CPED1: variants seen among roughly 807,000 people sequenced by gnomAD.
CPED1 encodes the protein cadherin-like and PC-esterase domain-containing protein 1.
A neutral mutation model predicts 128.2 loss-of-function variants in CPED1; 114 were observed. The observed-to-expected ratio is 0.89, with a 90% CI of 0.76 to 1.04. The LOEUF (loss-of-function observed/expected upper bound fraction) is 1.04, where lower values mean the gene tolerates loss of function less well. Ranked by LOEUF, CPED1 falls within the 50% of genes least tolerant of loss-of-function variation. The pLI is 0.00. For missense variants in CPED1, 1,211 were observed against 1,207.1 expected, an observed-to-expected ratio of 1.00 and a Z score of -0.05; for synonymous variants, 462 against 426.7, an observed-to-expected ratio of 1.08 and a Z score of -1.02.
chr7:121,274,585 A>G (rs571616664), intron 22 of CPED1, among the ~76,000 whole-genome samples: 1 of 152,268 alleles, frequency 6.6e-6, no homozygotes, highest in East Asian at 1.9e-4. Context: ...CAGTCACAAC[A>G]TACAGCTGAT....
At chr7:121,137,043 A>G (rs1164630651) in intron 14 of CPED1, among the ~76,000 whole-genome samples, 5 of 152,020 alleles carry the variant, frequency 3.3e-5, no homozygotes, top group Admixed American at 1.3e-4. Flanking sequence ...ATGTATATGT[A>G]TACATATAGC....
chr7:120,989,540 T>A lies in CPED1; in HGVS notation c.-82T>A, dbSNP rs1341720889. ...GGAGTTGGGGAAAAAGAAGACAGAT[T>A]AGTATTTTTCATGCTGACAAAAAAT... On this transcript the variant is annotated 5_prime_UTR_variant, in exon 2 of 23. Coordinates refer to ENST00000310396, the MANE Select transcript of CPED1 (RefSeq NM_024913.5). The A allele has an allele frequency of 6.6e-7, 1 of 1,524,880 alleles. No homozygotes were observed. Among genetic ancestry groups the A allele is most frequent in the East Asian group, 2.3e-5 (1 of 44,278 alleles). 94.5% of individuals were successfully genotyped at this position (1,524,880 alleles called of 1,614,324 possible).
chr7:121,244,320 G>A lies in CPED1; in HGVS notation c.2292G>A (p.Gln764=). ...TCCTAACTAAGCCTCAACTCCAGCA[G>A]TGCCTGGGAGGAAGGAAGGTAGGTT... ...YGVLTKPQLQ[Q]CLGGRKILFI... is the part of the protein sequence containing the mutation. Residue 764 remains glutamine, a synonymous_variant, in exon 18 of 23, where the codon CAG becomes CAA. Coordinates refer to ENST00000310396, the MANE Select transcript of CPED1 (RefSeq NM_024913.5). 6.2e-7 allele frequency: 1 copy of A among 1,614,140 alleles called. No individual in the cohort carries two copies. Among genetic ancestry groups the A allele is most frequent in the Non-Finnish European group, 8.5e-7 (1 of 1,180,012 alleles).
intron 4 of CPED1, among the ~76,000 whole-genome samples, chr7:121,047,646 T>TTCTTCTTC: frequency 8.1e-6 from 1 of 123,076 alleles, no homozygotes; most frequent in African/African-American, 3.6e-5. Flanking sequence ...AGATAGCACC[T>TTCTTCTTC]TTCTTCTTCT....
chr7:121,211,425 A>G (rs891206703), intron 16 of CPED1, among the ~76,000 whole-genome samples: 1 of 152,112 alleles, frequency 6.6e-6, no homozygotes, highest in African/African-American at 2.4e-5. Context: ...CCTTTTAAAG[A>G]TAAAGCAGAA....
chr7:121,282,023 T>C (rs1183502394), intron 22 of CPED1, among the ~76,000 whole-genome samples: 1 of 152,208 alleles, frequency 6.6e-6, no homozygotes, highest in Non-Finnish European at 1.5e-5. Context: ...AACACTCATA[T>C]TTAACATATT....
chr7:121,213,353 T>A (rs1797688558), intron 16 of CPED1, among the ~76,000 whole-genome samples: 1 of 152,024 alleles, frequency 6.6e-6, no homozygotes, highest in Non-Finnish European at 1.5e-5. Flanking sequence ...AATATCTACC[T>A]CAAACAGCTG....
intron 16 of CPED1, among the ~76,000 whole-genome samples, chr7:121,145,504 T>C (rs1796005395): frequency 6.6e-6 from 1 of 152,110 alleles, no homozygotes; most frequent in Non-Finnish European, 1.5e-5. Context: ...TAAGCACTAG[T>C]ACTTTTTAGA....
In CPED1 at chr7:121,239,568, G is replaced by A. The variant is rs1339516358; in HGVS notation, c.2173+2737G>A. Among the ~76,000 whole-genome samples, 3 of 152,128 alleles carry A rather than the reference G, an allele frequency of 2.0e-5. No individual in the cohort carries two copies. The East Asian group carries it at 5.8e-4, about 29-fold the overall frequency. ...AAAAAATTTATCCTACCTTATTTTA[G>A]CAAGGAATTATGACAACTTATACTT... On this transcript the variant is annotated intron_variant, in intron 17 of 22. Coordinates refer to ENST00000310396, the MANE Select transcript of CPED1 (RefSeq NM_024913.5).
intron 22 of CPED1, among the ~76,000 whole-genome samples, chr7:121,291,718 T>C (rs1346449644): frequency 6.6e-6 from 1 of 152,214 alleles, no homozygotes; most frequent in Non-Finnish European, 1.5e-5. Context: ...GATGGGGTTT[T>C]CTAAAGATAC....
chr7:121,227,708 A>C (rs781449673), intron 16 of CPED1, among the ~76,000 whole-genome samples: 1 of 152,074 alleles, frequency 6.6e-6, no homozygotes, highest in Non-Finnish European at 1.5e-5. Flanking sequence ...TTATTCCTAA[A>C]ATGAAGATAG....
At chr7:121,139,563 G>A (rs1795856103) in intron 14 of CPED1, among the ~76,000 whole-genome samples, 1 of 151,966 alleles carries the variant, frequency 6.6e-6, no homozygotes, top group Non-Finnish European at 1.5e-5. Flanking sequence ...TCTTGTTGAA[G>A]CACAAAGACT....
At chr7:121,004,308 AACC>A (rs1791948247) in intron 2 of CPED1, among the ~76,000 whole-genome samples, 2 of 152,202 alleles carry the variant, frequency 1.3e-5, no homozygotes, top group African/African-American at 4.8e-5. Flanking sequence ...ATGGGCTTAG[AACC>A]TATCCTCCTC....
chr7:121,251,201 C>T (rs1251053646), intron 18 of CPED1, among the ~76,000 whole-genome samples: 1 of 152,024 alleles, frequency 6.6e-6, no homozygotes, highest in African/African-American at 2.4e-5. Context: ...ATAAACAGAA[C>T]CAAAGACAAA....
intron 18 of CPED1, among the ~76,000 whole-genome samples, chr7:121,247,552 C>G (rs937366387): frequency 6.6e-6 from 1 of 152,220 alleles, no homozygotes; most frequent in Admixed American, 6.5e-5. Context: ...GTAACCCTGT[C>G]CAGGGTACCC....
At chr7:121,034,760 TG>T (rs1003589650) in intron 3 of CPED1, among the ~76,000 whole-genome samples, 1 of 152,128 alleles carries the variant, frequency 6.6e-6, no homozygotes. Flanking sequence ...AATTCTGATT[TG>T]GTATGGTCAA....
intron 3 of CPED1, among the ~76,000 whole-genome samples, chr7:121,045,589 G>A (rs915981780): frequency 6.6e-6 from 1 of 152,154 alleles, no homozygotes; most frequent in African/African-American, 2.4e-5. Context: ...AATTTGAAAA[G>A]CGAGGTATTT....
chr7:121,013,783 G>A (rs1454468078), intron 2 of CPED1, among the ~76,000 whole-genome samples: 2 of 152,168 alleles, frequency 1.3e-5, no homozygotes, highest in East Asian at 1.9e-4. Flanking sequence ...TAAAAAAATA[G>A]GATATGGTTC....
intron 16 of CPED1, among the ~76,000 whole-genome samples, chr7:121,177,812 G>A (rs1796817934): frequency 6.6e-6 from 1 of 151,940 alleles, no homozygotes; most frequent in South Asian, 2.1e-4. Flanking sequence ...TTCCTTCCAT[G>A]CAGGAAGCAT....
Sources: allele counts gnomAD v4.1 joint callset (sites outside exome capture counted in the v4.1 genomes callset), GRCh38; gene constraint gnomAD v4.1.1; transcripts MANE v1.5; gene names NCBI Gene and HGNC (gene_info 2026-07-23, HGNC 2026-07-21).